Variants in NSUN6 observed in about 807,000 individuals in gnomAD.
NSUN6 encodes the protein NOP2/Sun RNA methyltransferase 6.
A neutral mutation model predicts 58.0 loss-of-function variants in NSUN6; 64 were observed. The observed-to-expected ratio is 1.10, with a 90% CI of 0.90 to 1.36. The LOEUF is 1.36. Ranked by LOEUF, NSUN6 falls within the 40% of genes most tolerant of loss-of-function variation. The probability of loss-of-function intolerance (pLI) is 0.00; values close to 1 mark genes in which losing one functional copy is unlikely to be tolerated. For synonymous variants in NSUN6, 231 were observed against 193.9 expected, an observed-to-expected ratio of 1.19 and a Z score of -1.59; for missense variants, 701 against 550.1, an observed-to-expected ratio of 1.27 and a Z score of -2.74.
intron 3 of NSUN6, among the ~76,000 whole-genome samples, chr10:18,637,245 G>A (rs778874611): frequency 1.3e-5 from 2 of 152,128 alleles, no homozygotes; most frequent in Non-Finnish European, 2.9e-5. Flanking sequence ...TTACAGGCGT[G>A]AGCCACCACG....
chr10:18,587,041 T>G (rs1282822678), intron 7 of NSUN6, among the ~76,000 whole-genome samples: 1 of 152,230 alleles, frequency 6.6e-6, no homozygotes, highest in African/African-American at 2.4e-5. Context: ...CATTAAATAC[T>G]TATGGCTTTC....
chr10:18,644,756 C>T (rs1360329249), intron 2 of NSUN6, among the ~76,000 whole-genome samples: 1 of 150,940 alleles, frequency 6.6e-6, no homozygotes, highest in Non-Finnish European at 1.5e-5. Flanking sequence ...AGGAGAATGG[C>T]GTGAACCCAG....
At chr10:18,555,830 A>T (rs2054962851) in intron 8 of NSUN6, among the ~76,000 whole-genome samples, 1 of 150,650 alleles carries the variant, frequency 6.6e-6, no homozygotes, top group Admixed American at 6.6e-5. Flanking sequence ...AGTGGAATGA[A>T]ATGGAATGGA....
At chr10:18,652,174 C>A, upstream of NSUN6, 14 of 985,238 alleles carry the variant, frequency 1.4e-5, no homozygotes, top group Non-Finnish European at 1.6e-5. Context: ...CTACTTGTAT[C>A]ATAGTTGACA....
chr10:18,645,157 CAAA>C (rs71402191), intron 2 of NSUN6, among the ~76,000 whole-genome samples: 45 of 106,296 alleles, frequency 4.2e-4, no homozygotes, highest in East Asian at 4.2e-3. Flanking sequence ...GACTCCCTCT[CAAA>C]AAAAAAAAAA....
intron 8 of NSUN6, among the ~76,000 whole-genome samples, chr10:18,573,293 T>A (rs1237488289): frequency 6.6e-6 from 1 of 151,684 alleles, no homozygotes; most frequent in Non-Finnish European, 1.5e-5. Flanking sequence ...CTCCATCCCA[T>A]TCCATTCTCC....
At chr10:18,552,610 T>C (rs1048257334) in intron 8 of NSUN6, among the ~76,000 whole-genome samples, 2 of 152,066 alleles carry the variant, frequency 1.3e-5, no homozygotes, top group African/African-American at 2.4e-5. Context: ...AAGATTTCCA[T>C]TCCATTCCGC....
At chr10:18,547,464 G>C (rs1036245018) in intron 10 of NSUN6, among the ~76,000 whole-genome samples, 1 of 152,226 alleles carries the variant, frequency 6.6e-6, no homozygotes, top group Admixed American at 6.5e-5. Flanking sequence ...TTTCTGTATA[G>C]AAAGGTACTA....
chr10:18,562,779 T>TAATGG (rs758527728), intron 8 of NSUN6, among the ~76,000 whole-genome samples: 2 of 30,034 alleles, frequency 6.7e-5, no homozygotes, highest in Non-Finnish European at 1.3e-4. Flanking sequence ...ATGGAATGGA[T>TAATGG]AATGGAATGG....
chr10:18,653,713 TA>T (rs1339072653), upstream of NSUN6, among the ~76,000 whole-genome samples: 2 of 152,148 alleles, frequency 1.3e-5, no homozygotes, highest in African/African-American at 2.4e-5. Context: ...TAATGACAGT[TA>T]ATGTTGACGA....
chr10:18,578,909 C>T (rs6482533), intron 8 of NSUN6, among the ~76,000 whole-genome samples: 52,810 of 152,022 alleles, frequency 0.35, 9,778 homozygotes, highest in East Asian at 0.73. Flanking sequence ...AAATGGTGAA[C>T]CTGTCAACGG....
chr10:18,611,665 G>A (rs2058240723), intron 5 of NSUN6, among the ~76,000 whole-genome samples: 1 of 151,966 alleles, frequency 6.6e-6, no homozygotes, highest in Non-Finnish European at 1.5e-5. Context: ...CAGTAGCTGC[G>A]ACTACAGGCA....
At chr10:18,569,786 T>G (rs573919341) in intron 8 of NSUN6, among the ~76,000 whole-genome samples, 1 of 151,552 alleles carries the variant, frequency 6.6e-6, no homozygotes, top group East Asian at 1.9e-4. Context: ...CTGCATTTCA[T>G]TCCATTCTCC....
chr10:18,580,502 A>G (rs1234436544), intron 8 of NSUN6, among the ~76,000 whole-genome samples: 1 of 152,202 alleles, frequency 6.6e-6, no homozygotes, highest in Non-Finnish European at 1.5e-5. Flanking sequence ...TAAGAGCCAG[A>G]GAACTGGGGG....
intron 5 of NSUN6, among the ~76,000 whole-genome samples, chr10:18,614,066 TA>T (rs1488694879): frequency 3.9e-5 from 6 of 152,116 alleles, no homozygotes; most frequent in African/African-American, 1.4e-4. Context: ...TATTTTTAAT[TA>T]AAAAATATGT....
At chr10:18,549,164 G>C (rs1241141447) in intron 9 of NSUN6, among the ~76,000 whole-genome samples, 1 of 152,078 alleles carries the variant, frequency 6.6e-6, no homozygotes, top group Admixed American at 6.5e-5. Context: ...GTCCTTACAT[G>C]ATCACTTAGA....
intron 8 of NSUN6, among the ~76,000 whole-genome samples, chr10:18,583,014 T>C (rs1336103868): frequency 1.3e-5 from 2 of 152,148 alleles, no homozygotes; most frequent in Non-Finnish European, 2.9e-5. Context: ...CACATCCAGA[T>C]AGCCTGCAGG....
chr10:18,658,586 G>C (rs1459527628), upstream of NSUN6: 5 of 764,290 alleles, frequency 6.5e-6, no homozygotes, highest in Non-Finnish European at 8.0e-6. Context: ...CATACCTAAT[G>C]CTTGGCAAAA....
rs771331332 is a variant in NSUN6 at position 18,596,335 on chromosome 10, G to GA, written c.658-9dup. On this transcript the variant is annotated splice_polypyrimidine_tract_variant and intron_variant, in intron 6 of 10. Transcript: ENST00000377304. ...TAAGGCAGATGGCAAATTCTATAAG[G>GA]AAAAAAATGTAATCGATTATCAATA... 30 of 1,534,414 alleles carry GA rather than the reference G, an allele frequency of 2.0e-5. No individual in the cohort carries two copies. The highest frequency in any genetic ancestry group is 2.7e-5 in the Non-Finnish European group (30 of 1,112,198).
Sources: gnomAD v4.1 joint callset for allele counts (sites outside exome capture counted in the v4.1 genomes callset) on GRCh38, gnomAD v4.1.1 for gene constraint, MANE v1.5 for transcripts, NCBI Gene and HGNC (gene_info 2026-07-23, HGNC 2026-07-21) for gene names.